DNASE1: variants seen among roughly 807,000 people sequenced by gnomAD.
DNASE1 encodes the protein deoxyribonuclease 1.
A neutral mutation model predicts 33.9 loss-of-function variants in DNASE1; 40 were observed. That is an observed-to-expected ratio of 1.18 (90% CI 0.92 to 1.54). DNASE1 has a LOEUF of 1.54. DNASE1 is among the 40% of genes most tolerant of loss of function. The probability of loss-of-function intolerance (pLI) is 0.00; values close to 1 mark genes in which losing one functional copy is unlikely to be tolerated. For missense variants in DNASE1, 518 were observed against 372.6 expected, an observed-to-expected ratio of 1.39 and a Z score of -3.21; for synonymous variants, 216 against 160.0, an observed-to-expected ratio of 1.35 and a Z score of -2.64.
rs1481301859 is a variant in DNASE1, at chr16:3,655,853, T to G, written c.152T>G (p.Leu51Arg). 41 of 1,613,182 alleles carry G rather than the reference T, an allele frequency of 2.5e-5. No homozygotes were observed. The highest frequency in any genetic ancestry group is 3.3e-5 in the Non-Finnish European group (39 of 1,179,636). ...ATLVSYIVQILSRYDIALVQE... is the reference protein window; with the variant it reads ...ATLVSYIVQIRSRYDIALVQE... ...CCACTGTGGCCCTGCCCCCAGATCCTGAGCCGCTATGACATCGCCCTGGTC... is the reference window on the plus strand; with the variant it reads ...CCACTGTGGCCCTGCCCCCAGATCCGGAGCCGCTATGACATCGCCCTGGTC... The change falls in exon 3 of 9, where the codon CTG (leucine) becomes CGG (arginine). Residue 51 changes from leucine (L) to arginine (R), a missense_variant. Coordinates refer to ENST00000246949, the MANE Select transcript of DNASE1 (RefSeq NM_005223.4).
At chr16:3,644,933 A>C (rs973339477) in intron 1 of DNASE1, among the ~76,000 whole-genome samples, 1 of 151,978 alleles carries the variant, frequency 6.6e-6, no homozygotes, top group African/African-American at 2.4e-5. Flanking sequence ...GTTCGAGACC[A>C]GCCTGGGCAA....
rs1252657572 is a variant in DNASE1 at position 3,656,204 on chromosome 16, C to G, written c.320+19C>G. The G allele has an allele frequency of 1.2e-6, 2 of 1,612,798 alleles. No homozygotes were observed. The highest frequency in any genetic ancestry group is 2.7e-5 in the African/African-American group (2 of 74,882). Reference sequence around the variant, plus strand: ...TGTACAGGTGGGTGGTCTAGAAAGCCAGGAAGCCCCTCCCTCACCTGGGAG... The same window carrying G: ...TGTACAGGTGGGTGGTCTAGAAAGCGAGGAAGCCCCTCCCTCACCTGGGAG... On this transcript the variant is annotated intron_variant, in intron 4 of 8. Transcript: ENST00000246949.
upstream of DNASE1, among the ~76,000 whole-genome samples, chr16:3,642,022 G>A (rs1596608556): frequency 6.6e-6 from 1 of 152,214 alleles, no homozygotes; most frequent in African/African-American, 2.4e-5. Context: ...TGGCTGTGTC[G>A]TGGGGGCTGC....
chr16:3,649,292 A>G (rs964676232), intron 1 of DNASE1, among the ~76,000 whole-genome samples: 2 of 152,202 alleles, frequency 1.3e-5, no homozygotes, highest in Admixed American at 6.5e-5. Flanking sequence ...TTCTCGAGCT[A>G]TGGGTTACTG....
At position 3,630,133 on chromosome 16, in the gene DNASE1, T is replaced by TTGTGTG. The variant is rs200194109; in HGVS notation, c.-1358-10566_-1358-10561dup. 2.7e-3 allele frequency among the ~76,000 whole-genome samples: 410 copies of TTGTGTG among 150,730 alleles called. 2 individuals carry two copies. Among genetic ancestry groups the TTGTGTG allele is most frequent in the African/African-American group, 8.6e-3 (355 of 41,196 alleles). Reference sequence around the variant, plus strand: ...ACGCCCAGCCCTTGTTTGTTTTTTGTTGTGTGTGTGTGTGTGTGTGTTTGT... The same window carrying TTGTGTG: ...ACGCCCAGCCCTTGTTTGTTTTTTGTTGTGTGTGTGTGTGTGTGTGTGTGTGTTTGT... On this transcript the variant is annotated intron_variant and NMD_transcript_variant, in intron 1 of 11. Transcript: ENST00000570769.
At chr16:3,623,856 G>C (rs1380603071) in intron 1 of DNASE1, among the ~76,000 whole-genome samples, 2 of 152,184 alleles carry the variant, frequency 1.3e-5, no homozygotes, top group Admixed American at 1.3e-4. Flanking sequence ...ACCACAGTGA[G>C]ATATCATCTT....
Position 3,658,091 on chromosome 16 carries a change from T to C in DNASE1, c.*138T>C. The C allele has an allele frequency of 6.2e-7, 1 of 1,610,998 alleles. No individual in the cohort carries two copies. The highest frequency in any genetic ancestry group is 2.2e-5 in the East Asian group (1 of 44,860). ...TAAATAAAGCTCAAGGAGGTGGGGCTGTCATCTGTGGTGTCAGTCCTTCTG... is the reference window on the plus strand; with the variant it reads ...TAAATAAAGCTCAAGGAGGTGGGGCCGTCATCTGTGGTGTCAGTCCTTCTG... On this transcript the variant is annotated 3_prime_UTR_variant, in exon 9 of 9. Transcript: ENST00000246949.
At chr16:3,639,533 T>G (rs1315419265), upstream of DNASE1, among the ~76,000 whole-genome samples, 1 of 152,206 alleles carries the variant, frequency 6.6e-6, no homozygotes, top group Non-Finnish European at 1.5e-5. Context: ...TAGTGCGTGC[T>G]TTTGATCACA....
chr16:3,655,896 C>G lies in DNASE1; in HGVS notation c.195C>G (p.Ser65Arg). 6.2e-7 allele frequency: 1 copy of G among 1,614,000 alleles called. No homozygotes were observed. The highest frequency in any genetic ancestry group is 8.5e-7 in the Non-Finnish European group (1 of 1,180,008). The change falls in exon 3 of 9, where the codon AGC becomes AGG. Residue 65 changes from serine to arginine, a missense_variant. Coordinates refer to ENST00000246949, the MANE Select transcript of DNASE1 (RefSeq NM_005223.4). ...DIALVQEVRD[S>R]HLTAVGKLLD... is the part of the protein sequence containing the mutation. ...CCCTGGTCCAGGAGGTCAGAGACAG[C>G]CACCTGACTGCCGTGGGGAAGCTGC... is the stretch of plus-strand genomic sequence containing the variant.
downstream of DNASE1, chr16:3,662,698 C>G: frequency 1.4e-6 from 1 of 702,550 alleles, no homozygotes; most frequent in Non-Finnish European, 2.6e-6. Flanking sequence ...CACGGCCTTC[C>G]TGCCTCAGCG....
At chr16:3,662,133 C>G, downstream of DNASE1, 6 of 1,610,794 alleles carry the variant, frequency 3.7e-6, no homozygotes, top group Non-Finnish European at 5.1e-6. Flanking sequence ...GGAGGGTCAC[C>G]TGTGAGCAAA....
intron 1 of DNASE1, among the ~76,000 whole-genome samples, chr16:3,643,926 A>T (rs1164614499): frequency 2.0e-5 from 3 of 151,850 alleles, no homozygotes; most frequent in African/African-American, 7.3e-5. Flanking sequence ...ATGCCCGGCT[A>T]ATTTTTTTGT....
chr16:3,615,090 C>G (rs1350080689), intron 1 of DNASE1, among the ~76,000 whole-genome samples: 1 of 151,640 alleles, frequency 6.6e-6, no homozygotes, highest in Non-Finnish European at 1.5e-5. Context: ...ATTGGAAAGG[C>G]TGGGACACTA....
At position 3,654,754 on chromosome 16, in the gene DNASE1, A is replaced by G. The variant is rs1342094628; in HGVS notation, c.-292A>G. On this transcript the variant is annotated 5_prime_UTR_variant, in exon 1 of 9. It removes an upstream start codon present in the reference 5' UTR. Transcript: ENST00000246949. ...AGAAACACGTGCTAGCAACCCACCT[A>G]TGCGGAAAGCCACACAGAGCCATTG... is the stretch of plus-strand genomic sequence containing the variant. 2.5e-6 allele frequency: 1 copy of G among 399,700 alleles called. No homozygotes were observed. The highest frequency in any genetic ancestry group is 4.4e-6 in the Non-Finnish European group (1 of 227,060). 24.8% of individuals were successfully genotyped at this position (399,700 alleles called of 1,614,324 possible).
chr16:3,656,642 G>T lies in DNASE1; in HGVS notation c.325G>T (p.Asp109Tyr). 2 of 1,610,756 alleles carry T rather than the reference G, an allele frequency of 1.2e-6. No homozygotes were observed. Among genetic ancestry groups the T allele is most frequent in the South Asian group, 2.2e-5 (2 of 90,384 alleles). The change falls in exon 5 of 9, where the codon GAC becomes TAC. Residue 109 changes from aspartate (D) to tyrosine (Y), a missense_variant. Asp to Tyr is a radical substitution (Grantham distance 160, BLOSUM62 -3). Coordinates refer to ENST00000246949, the MANE Select transcript of DNASE1 (RefSeq NM_005223.4). ...KERYLFVYRP[D>Y]QVSAVDSYYY... ...TCCTGCCCGGCCTTCCCGCAGGCCT[G>T]ACCAGGTGTCTGCGGTGGACAGCTA...
At chr16:3,635,413 G>A (rs1363777148) in intron 1 of DNASE1, among the ~76,000 whole-genome samples, 3 of 136,972 alleles carry the variant, frequency 2.2e-5, no homozygotes, top group Admixed American at 1.6e-4. Flanking sequence ...AGCCAAGATC[G>A]CACCATTGCA....
intron 1 of DNASE1, among the ~76,000 whole-genome samples, chr16:3,635,572 C>G (rs1008075211): frequency 1.3e-5 from 2 of 149,462 alleles, no homozygotes; most frequent in Non-Finnish European, 3.0e-5. Flanking sequence ...TATTTTCCTT[C>G]TTTCTCAAAC....
chr16:3,641,167 C>T (rs918213513), upstream of DNASE1: 32 of 387,334 alleles, frequency 8.3e-5, 1 homozygote, highest in East Asian at 4.4e-4. Flanking sequence ...CTGTGGGGGG[C>T]GTGGCCCTGA....
upstream of DNASE1, among the ~76,000 whole-genome samples, chr16:3,649,970 G>A (rs1044119487): frequency 1.3e-5 from 2 of 152,134 alleles, no homozygotes; most frequent in African/African-American, 2.4e-5. Flanking sequence ...TGGGAGCTAA[G>A]GTGGTCTTGT....
Sources: gnomAD v4.1 joint callset for allele counts (sites outside exome capture counted in the v4.1 genomes callset) on GRCh38, gnomAD v4.1.1 for gene constraint, MANE v1.5 for transcripts, NCBI Gene and HGNC (gene_info 2026-07-23, HGNC 2026-07-21) for gene names.